Variants in ATG7 observed in about 807,000 individuals in gnomAD.
ATG7 encodes ubiquitin-like modifier-activating enzyme ATG7.
Under a neutral mutation model 82.4 loss-of-function variants are expected in ATG7, and 70 were observed. That is an observed-to-expected ratio of 0.85 (90% CI 0.70 to 1.04). ATG7 has a LOEUF of 1.04. Ranked by LOEUF, ATG7 falls within the 50% of genes least tolerant of loss-of-function variation. ATG7 has a pLI of 0.00. For missense variants in ATG7, 792 were observed against 864.3 expected (o/e 0.92, Z 1.05); for synonymous variants, 287 against 313.0 (o/e 0.92, Z 0.88).
chr3:11,548,895 C>T (rs971062258), intron 20 of ATG7, among the ~76,000 whole-genome samples: 3 of 152,148 alleles, frequency 2.0e-5, no homozygotes, highest in Non-Finnish European at 2.9e-5. Flanking sequence ...GTGAGACGGC[C>T]GGGTCAAAAG....
In ATG7 at chr3:11,347,923, CCTA is replaced by C; in HGVS notation, c.1175_1177del (p.Tyr392del). On this transcript the variant is annotated inframe_deletion, in exon 14 of 21. Coordinates refer to ENST00000693202, the MANE Select transcript of ATG7 (RefSeq NM_001349232.2). ...ACATTTGTGGACAATGCCAAGATCTCCTACTCCAATCCTGTGAGGCAGCCTCTC... is the reference window on the plus strand; with the variant it reads ...ACATTTGTGGACAATGCCAAGATCTCCTCCAATCCTGTGAGGCAGCCTCTC... The C allele has an allele frequency of 1.2e-6, 2 of 1,614,170 alleles. No homozygotes were observed. Among genetic ancestry groups the C allele is most frequent in the Non-Finnish European group, 1.7e-6 (2 of 1,180,026 alleles).
At chr3:11,483,815 G>T (rs2089302300) in intron 20 of ATG7, among the ~76,000 whole-genome samples, 1 of 152,170 alleles carries the variant, frequency 6.6e-6, no homozygotes, top group Non-Finnish European at 1.5e-5. Context: ...CTCTACGGTA[G>T]AATTTAAAGA....
chr3:11,494,491 G>A (rs1453269769), intron 20 of ATG7, among the ~76,000 whole-genome samples: 4 of 152,168 alleles, frequency 2.6e-5, no homozygotes, highest in African/African-American at 9.7e-5. Context: ...CATAAACATC[G>A]GTTCTATGGG....
intron 20 of ATG7, among the ~76,000 whole-genome samples, chr3:11,551,635 G>A (rs1313092793): frequency 1.3e-5 from 2 of 152,104 alleles, no homozygotes; most frequent in South Asian, 2.1e-4. Flanking sequence ...TTGCTCTATT[G>A]TCCAGGCTGG....
At chr3:11,531,021 C>T (rs1218480923) in intron 20 of ATG7, among the ~76,000 whole-genome samples, 3 of 152,308 alleles carry the variant, frequency 2.0e-5, no homozygotes, top group Non-Finnish European at 4.4e-5. Flanking sequence ...CTTCCTCACT[C>T]ACCGTGGTCC....
intron 20 of ATG7, among the ~76,000 whole-genome samples, chr3:11,442,263 C>T (rs761039683): frequency 2.0e-5 from 3 of 152,116 alleles, no homozygotes; most frequent in Non-Finnish European, 4.4e-5. Context: ...GATGTGGGTC[C>T]TGAAGAGAAG....
intron 11 of ATG7, among the ~76,000 whole-genome samples, chr3:11,335,069 C>G (rs1952227170): frequency 6.6e-6 from 1 of 151,740 alleles, no homozygotes; most frequent in Non-Finnish European, 1.5e-5. Context: ...TGCTCTAACA[C>G]AGATGTCTTT....
chr3:11,324,032 A>C (rs1950544102), intron 9 of ATG7, among the ~76,000 whole-genome samples: 1 of 152,206 alleles, frequency 6.6e-6, no homozygotes, highest in Non-Finnish European at 1.5e-5. Flanking sequence ...TGCTTGGCAG[A>C]CTGATCATGA....
chr3:11,328,059 A>G (rs1951123285), intron 9 of ATG7, among the ~76,000 whole-genome samples: 1 of 152,168 alleles, frequency 6.6e-6, no homozygotes, highest in Non-Finnish European at 1.5e-5. Context: ...CCCCAAATTC[A>G]AGTCCATGGA....
chr3:11,373,867 G>A (rs1328010717), intron 18 of ATG7, among the ~76,000 whole-genome samples: 1 of 152,154 alleles, frequency 6.6e-6, no homozygotes, highest in African/African-American at 2.4e-5. Flanking sequence ...ATGAATGGTG[G>A]CAAGTCAGAG....
intron 18 of ATG7, among the ~76,000 whole-genome samples, chr3:11,366,654 T>C (rs1261688198): frequency 6.6e-6 from 1 of 152,214 alleles, no homozygotes; most frequent in East Asian, 1.9e-4. Context: ...CCTGCACTGG[T>C]TTCCTTCTTT....
At chr3:11,289,910 C>T (rs1944689755) in intron 3 of ATG7, among the ~76,000 whole-genome samples, 2 of 152,048 alleles carry the variant, frequency 1.3e-5, no homozygotes, top group Non-Finnish European at 2.9e-5. Context: ...TTACAAAGTA[C>T]AGGGAAGGAA....
At chr3:11,536,312 C>T (rs942423449) in intron 20 of ATG7, among the ~76,000 whole-genome samples, 1 of 152,168 alleles carries the variant, frequency 6.6e-6, no homozygotes, top group African/African-American at 2.4e-5. Flanking sequence ...GTCCACTTAA[C>T]CTTTGGTCCA....
intron 1 of ATG7, chr3:11,277,522 A>G (rs1279607804): frequency 6.6e-6 from 1 of 152,358 alleles, no homozygotes; most frequent in South Asian, 2.1e-4. Flanking sequence ...GTGACATCAC[A>G]TATTGGTAGG....
chr3:11,453,920 G>GT (rs1430031554), intron 20 of ATG7, among the ~76,000 whole-genome samples: 1 of 152,168 alleles, frequency 6.6e-6, no homozygotes, highest in Non-Finnish European at 1.5e-5. Context: ...TACCGTAGTT[G>GT]TTACCTTTCC....
chr3:11,437,970 T>A (rs1421521655), intron 20 of ATG7, among the ~76,000 whole-genome samples: 2 of 152,226 alleles, frequency 1.3e-5, no homozygotes, highest in Non-Finnish European at 2.9e-5. Context: ...TAAACTATTG[T>A]TTGCTTTTTC....
At chr3:11,453,964 AG>A (rs1334729610) in intron 20 of ATG7, among the ~76,000 whole-genome samples, 5 of 152,196 alleles carry the variant, frequency 3.3e-5, no homozygotes, top group African/African-American at 1.2e-4. Context: ...TCTAGGAAAA[AG>A]CAGACATCAG....
At chr3:11,503,042 A>T (rs1322374666) in intron 20 of ATG7, among the ~76,000 whole-genome samples, 1 of 152,198 alleles carries the variant, frequency 6.6e-6, no homozygotes. Flanking sequence ...GGGGTATCCA[A>T]GCTTCTCCCC....
chr3:11,437,753 CTT>C (rs1362907853), intron 20 of ATG7, among the ~76,000 whole-genome samples: 1 of 152,200 alleles, frequency 6.6e-6, no homozygotes, highest in African/African-American at 2.4e-5. Flanking sequence ...CGCATATATA[CTT>C]GCTCGTTTTC....
Sources: gnomAD v4.1 joint callset for allele counts (sites outside exome capture counted in the v4.1 genomes callset) on GRCh38, gnomAD v4.1.1 for gene constraint, MANE v1.5 for transcripts, NCBI Gene and HGNC (gene_info 2026-07-23, HGNC 2026-07-21) for gene names.